The following PCCA variants were observed in gnomAD, a reference collection of about 807,000 sequenced individuals.
PCCA encodes the protein propionyl-CoA carboxylase subunit alpha, also known as propionyl-CoA carboxylase alpha chain, mitochondrial.
PCCA carries 74 observed loss-of-function variants against 101.3 expected under a neutral mutation model. The ratio of observed to expected loss-of-function variants is 0.73; its 90% CI spans 0.61 to 0.89. The LOEUF is 0.89. PCCA is among the 40% of genes least tolerant of loss of function. PCCA has a pLI of 0.00. For synonymous variants in PCCA, 294 were observed against 313.6 expected, an observed-to-expected ratio of 0.94 and a Z score of 0.66; for missense variants, 891 against 907.0, an observed-to-expected ratio of 0.98 and a Z score of 0.23.
chr13:100,370,074 C>CTTTTTTTTTTTT (rs386380451), intron 19 of PCCA, among the ~76,000 whole-genome samples: 13 of 74,640 alleles, frequency 1.7e-4, no homozygotes, highest in Non-Finnish European at 2.3e-4. Flanking sequence ...GCTGTTACTT[C>CTTTTTTTTTTTT]TTTTTTTTTT....
chr13:100,353,188 A>C (rs559508450), intron 18 of PCCA, among the ~76,000 whole-genome samples: 1 of 152,358 alleles, frequency 6.6e-6, no homozygotes, highest in South Asian at 2.1e-4. Context: ...TCCACAATAC[A>C]TCACTTTGAA....
chr13:100,202,169 A>C (rs925028161), intron 6 of PCCA, among the ~76,000 whole-genome samples: 16 of 59,272 alleles, frequency 2.7e-4, no homozygotes, highest in Middle Eastern at 6.6e-3. Context: ...ATCTCTACCC[A>C]AAAAAAAAAA....
intron 21 of PCCA, among the ~76,000 whole-genome samples, chr13:100,474,442 C>G (rs1401295004): frequency 7.1e-5 from 1 of 14,182 alleles, no homozygotes; most frequent in Non-Finnish European, 1.8e-4. Context: ...TTTACTGTTT[C>G]TCTCTCTCTC....
chr13:100,189,801 T>C (rs1162516131), intron 6 of PCCA, among the ~76,000 whole-genome samples: 3 of 152,234 alleles, frequency 2.0e-5, no homozygotes, highest in Non-Finnish European at 2.9e-5. Flanking sequence ...TGAGGCACTG[T>C]GCCTGGCTGC....
chr13:100,132,119 A>G (rs1422934348), intron 4 of PCCA, among the ~76,000 whole-genome samples: 1 of 152,172 alleles, frequency 6.6e-6, no homozygotes, highest in Admixed American at 6.5e-5. Flanking sequence ...AGTGTTGTTC[A>G]CAATGTTCAC....
At chr13:100,209,555 GAT>G (rs762630967) in intron 7 of PCCA, 92 bp downstream of exon 7, 15 of 952,818 alleles carry the variant, frequency 1.6e-5, no homozygotes, top group African/African-American at 3.4e-5. Context: ...GCTTTTTTGG[GAT>G]ATACACACAC....
chr13:100,255,842 A>G (rs186589510), intron 8 of PCCA, among the ~76,000 whole-genome samples: 1 of 152,132 alleles, frequency 6.6e-6, no homozygotes, highest in Admixed American at 6.5e-5. Context: ...CTTTGTCCCC[A>G]TCTATGTTTT....
At chr13:100,392,506 A>C (rs1252049892) in intron 19 of PCCA, among the ~76,000 whole-genome samples, 2 of 152,138 alleles carry the variant, frequency 1.3e-5, no homozygotes, top group African/African-American at 4.8e-5. Context: ...GGCATTTTTT[A>C]CTCTTTTTAA....
chr13:100,446,527 G>C (rs980195087), intron 20 of PCCA, among the ~76,000 whole-genome samples: 1 of 152,092 alleles, frequency 6.6e-6, no homozygotes, highest in African/African-American at 2.4e-5. Context: ...CTCTTGGAAG[G>C]TGGGTCTTAA....
chr13:100,255,055 A>G (rs1228737065), intron 8 of PCCA, among the ~76,000 whole-genome samples: 1 of 152,136 alleles, frequency 6.6e-6, no homozygotes, highest in Non-Finnish European at 1.5e-5. Context: ...TCTGCACTCT[A>G]GCCTGGGTGA....
At chr13:100,505,393 T>C (rs1489860966) in intron 21 of PCCA, among the ~76,000 whole-genome samples, 3 of 152,250 alleles carry the variant, frequency 2.0e-5, no homozygotes, top group Non-Finnish European at 4.4e-5. Flanking sequence ...GGTCCCTCGC[T>C]GCATGCCTGG....
chr13:100,258,640 G>C (rs1428022879), intron 9 of PCCA, among the ~76,000 whole-genome samples: 1 of 152,048 alleles, frequency 6.6e-6, no homozygotes, highest in East Asian at 1.9e-4. Context: ...CTTTTATGGT[G>C]CGGATTACTC....
intron 12 of PCCA, among the ~76,000 whole-genome samples, chr13:100,285,916 C>G (rs1566866793): frequency 6.6e-6 from 1 of 152,152 alleles, no homozygotes; most frequent in East Asian, 1.9e-4. Context: ...AGCCTCTTAC[C>G]CCAGAGACCA....
intron 20 of PCCA, among the ~76,000 whole-genome samples, chr13:100,437,435 T>TAA (rs10635557): frequency 0.37 from 56,056 of 151,888 alleles, 11,163 homozygotes; most frequent in East Asian, 0.67. Flanking sequence ...TTCAGAATTT[T>TAA]AAAGTCTTTT....
intron 6 of PCCA, among the ~76,000 whole-genome samples, chr13:100,172,915 T>G (rs552184515): frequency 2.8e-4 from 43 of 152,324 alleles, no homozygotes; most frequent in African/African-American, 1.0e-3. Flanking sequence ...ATTACCATGC[T>G]CATAACTACC....
At chr13:100,123,055 T>C (rs903932765) in intron 4 of PCCA, among the ~76,000 whole-genome samples, 1 of 152,232 alleles carries the variant, frequency 6.6e-6, no homozygotes, top group African/African-American at 2.4e-5. Context: ...TACAATGAAC[T>C]GAATAACTCC....
chr13:100,375,728 G>A (rs1020636926), intron 19 of PCCA, among the ~76,000 whole-genome samples: 1 of 152,148 alleles, frequency 6.6e-6, no homozygotes, highest in Non-Finnish European at 1.5e-5. Flanking sequence ...TGAAGAAACT[G>A]CATCAACTAA....
At chr13:100,322,907 C>T (rs936967742) in intron 16 of PCCA, among the ~76,000 whole-genome samples, 8 of 152,166 alleles carry the variant, frequency 5.3e-5, no homozygotes, top group African/African-American at 1.7e-4. Flanking sequence ...CCATTTTTCT[C>T]TGTAGTTTAC....
chr13:100,089,364 C>T, intron 1 of PCCA, 139 bp downstream of exon 1: 1 of 1,166,796 alleles, frequency 8.6e-7, no homozygotes, highest in African/African-American at 1.6e-5. Context: ...ACACCGCTTG[C>T]TTTCCTCCCT....
Sources: gnomAD v4.1 joint callset for allele counts (sites outside exome capture counted in the v4.1 genomes callset) on GRCh38, gnomAD v4.1.1 for gene constraint, MANE v1.5 for transcripts, NCBI Gene and HGNC (gene_info 2026-07-23, HGNC 2026-07-21) for gene names.